GIGYF2: variants seen among roughly 807,000 people sequenced by gnomAD.
The protein encoded by GIGYF2 is GRB10 interacting GYF protein 2.
In GIGYF2, 25 loss-of-function variants were observed where a neutral mutation model predicts 208.1. The observed-to-expected ratio is 0.12, with a 90% confidence interval of 0.09 to 0.17. The LOEUF (loss-of-function observed/expected upper bound fraction) is 0.17. Ranked by LOEUF, GIGYF2 falls within the 10% of genes least tolerant of loss-of-function variation. GIGYF2 has a pLI of 1.00. For synonymous variants in GIGYF2, 534 were observed against 543.8 expected (o/e 0.98, Z 0.25); for missense variants, 1,302 against 1,579.4 (o/e 0.82, Z 2.98).
intron 5 of GIGYF2, 77 bp from the exon 6 acceptor site, chr2:232,756,146 T>C: frequency 2.5e-6 from 2 of 808,906 alleles, no homozygotes; most frequent in Middle Eastern, 3.6e-4. Context: ...AGAAGCAACA[T>C]GTAGTTTTAT....
At chr2:232,769,844 T>C (rs913495125) in intron 8 of GIGYF2, among the ~76,000 whole-genome samples, 4 of 152,220 alleles carry the variant, frequency 2.6e-5, no homozygotes, top group Non-Finnish European at 5.9e-5. Context: ...TATAGTACTA[T>C]ATGTGCCTTA....
rs188700998 is a variant in GIGYF2 at position 232,818,955 on chromosome 2, T to A, written c.2371-872T>A. Among the ~76,000 whole-genome samples, 12 of 152,212 alleles carry A rather than the reference T, an allele frequency of 7.9e-5. No individual in the cohort carries two copies. In the East Asian group the frequency reaches 2.3e-3, roughly 29 times the overall value. Reference sequence around the variant, plus strand: ...ATTTATAACCAGCGAGGTATATACTTTTAATATTTTTTGGTCTTTTTTTTT... The same window carrying A: ...ATTTATAACCAGCGAGGTATATACTATTAATATTTTTTGGTCTTTTTTTTT... On this transcript the variant is annotated intron_variant, in intron 20 of 28. Transcript: ENST00000373563.
chr2:232,717,506 A>G (rs1438416905), intron 2 of GIGYF2, among the ~76,000 whole-genome samples: 6 of 152,160 alleles, frequency 3.9e-5, no homozygotes, highest in African/African-American at 1.4e-4. Flanking sequence ...TCCTCTTCCC[A>G]TGATGAGTAC....
chr2:232,849,692 A>G (rs1690234256), intron 27 of GIGYF2, among the ~76,000 whole-genome samples: 1 of 152,198 alleles, frequency 6.6e-6, no homozygotes, highest in African/African-American at 2.4e-5. Flanking sequence ...CTCATTGGCT[A>G]ATAAGAGCCA....
At chr2:232,730,101 G>C (rs1697393056) in intron 2 of GIGYF2, 1 of 1,312,400 alleles carries the variant, frequency 7.6e-7, no homozygotes, top group Non-Finnish European at 1.1e-6. Flanking sequence ...TGCCACATCT[G>C]CTTGTGATGG....
intron 8 of GIGYF2, among the ~76,000 whole-genome samples, chr2:232,777,769 A>G (rs953563080): frequency 2.6e-5 from 4 of 152,148 alleles, no homozygotes; most frequent in Admixed American, 2.0e-4. Context: ...TGTGATGCTC[A>G]TTCCCTGCAT....
chr2:232,792,123 T>G (rs1378398915), intron 12 of GIGYF2, among the ~76,000 whole-genome samples: 1 of 152,174 alleles, frequency 6.6e-6, no homozygotes, highest in Non-Finnish European at 1.5e-5. Context: ...GCAGTTTCAT[T>G]GCCAGCCTCT....
chr2:232,827,214 T>TTTTTTTTTTTTTTTTTTTTTTTTTG, intron 21 of GIGYF2, among the ~76,000 whole-genome samples: 2 of 152,260 alleles, frequency 1.3e-5, no homozygotes, highest in African/African-American at 2.4e-5. Flanking sequence ...CATTGTTTTT[T>TTTTTTTTTTTTTTTTTTTTTTTTTG]AAGACATAAT....
At chr2:232,789,775 C>T (rs1202203097) in intron 9 of GIGYF2, among the ~76,000 whole-genome samples, 1 of 152,002 alleles carries the variant, frequency 6.6e-6, no homozygotes, top group Non-Finnish European at 1.5e-5. Context: ...TTAAAGCCTG[C>T]TTTTCTTTTT....
At chr2:232,838,048 G>C (rs1205766023) in intron 22 of GIGYF2, among the ~76,000 whole-genome samples, 1 of 152,138 alleles carries the variant, frequency 6.6e-6, no homozygotes, top group Non-Finnish European at 1.5e-5. Context: ...GCATTATAGG[G>C]TGGGCTGGTA....
intron 3 of GIGYF2, among the ~76,000 whole-genome samples, chr2:232,738,589 C>T (rs1424461014): frequency 6.6e-6 from 1 of 152,302 alleles, no homozygotes; most frequent in East Asian, 1.9e-4. Context: ...AGGGCAGGTA[C>T]TTTGATATAG....
intron 2 of GIGYF2, among the ~76,000 whole-genome samples, chr2:232,732,082 C>T (rs759812687): frequency 2.0e-5 from 3 of 152,168 alleles, no homozygotes; most frequent in Admixed American, 6.5e-5. Flanking sequence ...CTTTCTTCCT[C>T]CCTCTCCCCA....
At chr2:232,840,318 T>C (rs1375415156) in intron 23 of GIGYF2, among the ~76,000 whole-genome samples, 3 of 152,210 alleles carry the variant, frequency 2.0e-5, no homozygotes, top group Admixed American at 2.0e-4. Context: ...CAGAATATGT[T>C]TTTCTCTAAA....
intron 2 of GIGYF2, among the ~76,000 whole-genome samples, chr2:232,732,168 C>G (rs547039232): frequency 6.6e-6 from 1 of 152,086 alleles, no homozygotes; most frequent in East Asian, 1.9e-4. Flanking sequence ...AAAATTTAGT[C>G]GTTTGATGCT....
chr2:232,726,299 G>A (rs1697198442), intron 2 of GIGYF2, among the ~76,000 whole-genome samples: 1 of 151,272 alleles, frequency 6.6e-6, no homozygotes, highest in South Asian at 2.1e-4. Flanking sequence ...AACCTGGGAG[G>A]CGGAGGTTGC....
At chr2:232,856,706 A>G in intron 28 of GIGYF2, 87 bp from the exon 29 acceptor site, 1 of 861,616 alleles carries the variant, frequency 1.2e-6, no homozygotes, top group Admixed American at 1.7e-5. Context: ...ACAAACAAAC[A>G]CAGACTTACA....
At position 232,832,931 on chromosome 2, in the gene GIGYF2, G is replaced by A. The variant is rs369380236; in HGVS notation, c.2604G>A (p.Met868Ile). The part of the protein sequence containing the change: ...QRRLEENRLR[M>I]EEEAARLRHE... Reference sequence around the variant, plus strand: ...GATTAGAGGAGAACCGGCTGCGGATGGAAGAGGAGGCAGCCAGACTCCGGC... The same window carrying A: ...GATTAGAGGAGAACCGGCTGCGGATAGAAGAGGAGGCAGCCAGACTCCGGC... The change falls in exon 22 of 29, where the codon ATG becomes ATA. Residue 868 changes from methionine (M) to isoleucine (I), a missense_variant. Around this residue, in one of 8 missense-constraint regions of GIGYF2, gnomAD observed 701 missense variants for 793.0 expected, o/e 0.88. Coordinates refer to ENST00000373563, the MANE Select transcript of GIGYF2 (RefSeq NM_001103146.3). 6.3e-5 allele frequency: 98 copies of A among 1,566,960 alleles called. No homozygotes were observed. In the Middle Eastern group the frequency reaches 6.7e-4, roughly 11 times the overall value.
chr2:232,757,769 A>ACCC lies in GIGYF2; in HGVS notation c.379+1439_379+1441dup, dbSNP rs1170361689. ...AAATACCAACCAATCTCTGAACAGC[A>ACCC]CCCCCCGCCCCCCGCCATTACTTAA... On this transcript the variant is annotated intron_variant, in intron 6 of 28. Transcript: ENST00000373563. Among the ~76,000 whole-genome samples, 35 of 99,836 alleles carry ACCC rather than the reference A, an allele frequency of 3.5e-4. 1 individual carries two copies. Among genetic ancestry groups the ACCC allele is most frequent in the African/African-American group, 1.0e-3 (26 of 25,582 alleles). The allele number at this position is 99,836 out of a possible 152,430, so 65.5% of individuals were successfully genotyped here.
chr2:232,739,361 A>AACC (rs1697873299), intron 3 of GIGYF2, among the ~76,000 whole-genome samples: 7 of 75,594 alleles, frequency 9.3e-5, no homozygotes, highest in Non-Finnish European at 1.3e-4. Context: ...ACAAAAGCAA[A>AACC]CCCCCCCCCC....
Sources: gnomAD v4.1 joint callset for allele counts (sites outside exome capture counted in the v4.1 genomes callset) on GRCh38, gnomAD v4.1.1 for gene constraint, gnomAD v4.1.1 regional missense constraint, MANE v1.5 for transcripts, NCBI Gene and HGNC (gene_info 2026-07-23, HGNC 2026-07-21) for gene names.